GPALPP1: variants seen among roughly 807,000 people sequenced by gnomAD.
GPALPP1 encodes the protein GPALPP motifs-containing protein 1.
Under a neutral mutation model 38.9 loss-of-function variants are expected in GPALPP1, and 30 were observed. That is an observed-to-expected ratio of 0.77 (90% CI 0.58 to 1.05). The LOEUF (loss-of-function observed/expected upper bound fraction) is 1.05, where lower values mean the gene tolerates loss of function less well. Ranked by LOEUF, GPALPP1 falls within the 50% of genes least tolerant of loss-of-function variation. The pLI, the probability that GPALPP1 is intolerant of heterozygous loss-of-function variation, is 0.00. For missense variants in GPALPP1, 384 were observed against 408.8 expected (o/e 0.94, Z 0.52); for synonymous variants, 120 against 139.2 (o/e 0.86, Z 0.97).
intron 1 of GPALPP1, among the ~76,000 whole-genome samples, chr13:44,993,969 G>GTTTACGCTTGTAATCCCAGCACTT (rs1402318624): frequency 3.3e-5 from 5 of 151,748 alleles, no homozygotes; most frequent in Non-Finnish European, 5.9e-5. Flanking sequence ...AGGCATGGTT[G>GTTTACGCTTGTAATCCCAGCACTT]TTTACGCTTG....
chr13:44,991,236 C>T (rs760310475), intron 1 of GPALPP1, among the ~76,000 whole-genome samples: 1 of 152,000 alleles, frequency 6.6e-6, no homozygotes. Context: ...ATCACGAGGT[C>T]GAGAGATCGA....
At chr13:45,022,120 A>G (rs1344395360) in intron 7 of GPALPP1, among the ~76,000 whole-genome samples, 1 of 152,246 alleles carries the variant, frequency 6.6e-6, no homozygotes, top group Non-Finnish European at 1.5e-5. Flanking sequence ...CACCAATAAA[A>G]AGGAACACAT....
At position 45,016,463 on chromosome 13, in the gene GPALPP1, C is replaced by A. The variant is rs867670020; in HGVS notation, c.705+867C>A. Among the ~76,000 whole-genome samples, 748 of 151,584 alleles carry A rather than the reference C, an allele frequency of 4.9e-3. 2 individuals are homozygous for A. Among genetic ancestry groups the A allele is most frequent in the African/African-American group, 0.017 (688 of 41,220 alleles). ...AGCGAGACTCCATCTCAAAAAAAAACAAAAAAACAAAAATCTGTATGCATA... is the reference window on the plus strand; with the variant it reads ...AGCGAGACTCCATCTCAAAAAAAAAAAAAAAAACAAAAATCTGTATGCATA... On this transcript the variant is annotated intron_variant, in intron 6 of 7. Transcript: ENST00000379151.
intron 7 of GPALPP1, among the ~76,000 whole-genome samples, chr13:45,026,740 G>A (rs1308516403): frequency 1.3e-5 from 2 of 152,096 alleles, no homozygotes; most frequent in Non-Finnish European, 2.9e-5. Flanking sequence ...CATTTCTAAA[G>A]GACACTACAC....
chr13:45,006,553 G>A (rs1322330915), intron 3 of GPALPP1, among the ~76,000 whole-genome samples: 1 of 152,134 alleles, frequency 6.6e-6, no homozygotes, highest in Non-Finnish European at 1.5e-5. Context: ...GTGTTTTGTG[G>A]TAAACGAGGT....
intron 7 of GPALPP1, among the ~76,000 whole-genome samples, chr13:45,027,153 C>A (rs1875889605): frequency 6.6e-6 from 1 of 152,156 alleles, no homozygotes. Context: ...CTCCCTGCTC[C>A]TTCCATCCAG....
At chr13:45,019,296 C>T (rs1451426853) in intron 6 of GPALPP1, among the ~76,000 whole-genome samples, 2 of 151,546 alleles carry the variant, frequency 1.3e-5, no homozygotes, top group Admixed American at 6.6e-5. Context: ...CACAGACACT[C>T]GCCACCACGC....
chr13:44,989,848 A>G, intron 1 of GPALPP1, 106 bp downstream of exon 1: 2 of 828,078 alleles, frequency 2.4e-6, no homozygotes, highest in Non-Finnish European at 3.8e-6. Flanking sequence ...AGGAGTGGGG[A>G]GTGGGCGCGG....
At chr13:45,006,506 A>C (rs1001318821) in intron 3 of GPALPP1, among the ~76,000 whole-genome samples, 6 of 152,242 alleles carry the variant, frequency 3.9e-5, no homozygotes, top group African/African-American at 1.2e-4. Flanking sequence ...CATAGTTTAC[A>C]AAAAACTTCC....
Position 45,004,405 on chromosome 13 carries a change from A to G in GPALPP1, c.189A>G (p.Glu63=), listed in dbSNP as rs77841246. 1.6e-4 allele frequency: 256 copies of G among 1,610,418 alleles called. 1 individual carries two copies. The African/African-American group carries it at 2.9e-3, about 18-fold the overall frequency. Residue 63 remains glutamate (E), a synonymous_variant, in exon 2 of 8, where the codon GAA becomes GAG. Transcript: ENST00000379151. ...CTTTGTACGAAGAAGGAAATCAAGA[A>G]TCTGAAGAAGATGACAGTGGTCCAA... ...SSSLYEEGNQ[E]SEEDDSGPTA...
chr13:44,997,672 G>A (rs1178949907), intron 1 of GPALPP1, among the ~76,000 whole-genome samples: 1 of 151,954 alleles, frequency 6.6e-6, no homozygotes, highest in Admixed American at 6.6e-5. Flanking sequence ...TAACCTCATT[G>A]AGCCTTCCAT....
intron 6 of GPALPP1, among the ~76,000 whole-genome samples, chr13:45,017,845 T>G (rs551491312): frequency 6.8e-4 from 103 of 152,332 alleles, no homozygotes; most frequent in Non-Finnish European, 1.0e-3. Flanking sequence ...AGTCTTAAAT[T>G]TTATATAATA....
At position 45,019,938 on chromosome 13, in the gene GPALPP1, G is replaced by T. The variant is rs1875283406; in HGVS notation, c.706-392G>T. ...CTCACTCTGTCTCCCAGGCTGGGGT[G>T]CAGTGGAACGATTTCGGCTCACTGC... On this transcript the variant is annotated intron_variant, in intron 6 of 7. Transcript: ENST00000379151. 3.0e-5 allele frequency among the ~76,000 whole-genome samples: 4 copies of T among 134,458 alleles called. 1 individual carries two copies. The highest frequency in any genetic ancestry group is 6.1e-5 in the Non-Finnish European group (4 of 65,308). 88.2% of individuals were successfully genotyped at this position (134,458 alleles called of 152,430 possible). A position where few individuals can be genotyped will look rare whatever the true frequency, so the allele number is the denominator to read the frequency against.
At chr13:45,020,520 G>A in intron 7 of GPALPP1, 92 bp downstream of exon 7, 1 of 681,368 alleles carries the variant, frequency 1.5e-6, no homozygotes, top group Non-Finnish European at 2.6e-6. Flanking sequence ...AGGATCACTT[G>A]AGACGAAGAG....
downstream of GPALPP1, chr13:45,033,373 G>C (rs935025526): frequency 6.6e-6 from 1 of 152,082 alleles, no homozygotes; most frequent in Admixed American, 6.5e-5. Context: ...GATTTATTTC[G>C]CTTTGGCTTT....
At chr13:44,991,046 C>T (rs1872760700) in intron 1 of GPALPP1, among the ~76,000 whole-genome samples, 1 of 151,824 alleles carries the variant, frequency 6.6e-6, no homozygotes, top group African/African-American at 2.4e-5. Flanking sequence ...GCCGAGAGTG[C>T]CACTGCGCTC....
In GPALPP1 at chr13:45,018,882, G is replaced by C. The variant is rs1393327645; in HGVS notation, c.706-1448G>C. On this transcript the variant is annotated intron_variant, in intron 6 of 7. Transcript: ENST00000379151. ...TTTCAAATTCCAGTTGTTTCTTGCT[G>C]ATATATATAAATATATATACATATA... Among the ~76,000 whole-genome samples the C allele has an allele frequency of 2.9e-5, 4 of 137,840 alleles. No homozygotes were observed. The South Asian group carries it at 6.8e-4, about 23-fold the overall frequency. 90.4% of individuals were successfully genotyped at this position (137,840 alleles called of 152,430 possible). A position where few individuals can be genotyped will look rare whatever the true frequency, so the allele number is the denominator to read the frequency against.
intron 4 of GPALPP1, among the ~76,000 whole-genome samples, chr13:45,010,236 CA>C (rs1347929185): frequency 1.3e-5 from 2 of 152,178 alleles, no homozygotes; most frequent in African/African-American, 4.8e-5. Flanking sequence ...CAAGCCTATG[CA>C]AAATGGTCTT....
chr13:45,034,736 T>A (rs1314261465), downstream of GPALPP1: 5 of 146,502 alleles, frequency 3.4e-5, no homozygotes, highest in African/African-American at 7.5e-5. Flanking sequence ...CTTTTTTTTT[T>A]TTTTTATTTT....
Sources: allele counts gnomAD v4.1 joint callset (sites outside exome capture counted in the v4.1 genomes callset), GRCh38; gene constraint gnomAD v4.1.1; transcripts MANE v1.5; gene names NCBI Gene and HGNC (gene_info 2026-07-23, HGNC 2026-07-21).